Variants in NAALADL2 observed in about 807,000 individuals in gnomAD.
NAALADL2 encodes the protein inactive N-acetylated-alpha-linked acidic dipeptidase-like protein 2.
A neutral mutation model predicts 87.2 loss-of-function variants in NAALADL2; 76 were observed. The observed-to-expected ratio is 0.87, with a 90% CI of 0.72 to 1.05. NAALADL2 has a LOEUF of 1.05. Among genes scored for constraint, NAALADL2 ranks in the 50% least tolerant of loss-of-function variants. The pLI, the probability that NAALADL2 is intolerant of heterozygous loss-of-function variation, is 0.00. For missense variants in NAALADL2, 1,089 were observed against 945.8 expected (o/e 1.15, Z -1.99); for synonymous variants, 354 against 331.0 (o/e 1.07, Z -0.75).
intron 11 of NAALADL2, among the ~76,000 whole-genome samples, chr3:175,705,437 A>C (rs1057265726): frequency 2.0e-5 from 3 of 152,048 alleles, no homozygotes. Context: ...TCTTTTAGAC[A>C]GAGCTCCTTT....
At chr3:174,554,394 G>T (rs543855052) in intron 2 of NAALADL2, among the ~76,000 whole-genome samples, 5 of 151,928 alleles carry the variant, frequency 3.3e-5, no homozygotes, top group Admixed American at 3.3e-4. Flanking sequence ...TTATCTAAGT[G>T]CTTATTGTTG....
At chr3:175,351,212 ATGT>A (rs1763726286) in intron 5 of NAALADL2, among the ~76,000 whole-genome samples, 1 of 152,044 alleles carries the variant, frequency 6.6e-6, no homozygotes, top group African/African-American at 2.4e-5. Flanking sequence ...CACTTTAATA[ATGT>A]TATCTATGAT....
At position 175,710,473 on chromosome 3, in the gene NAALADL2, G is replaced by A. The variant is rs543176225; in HGVS notation, c.1897-26833G>A. Among the ~76,000 whole-genome samples, 962 of 151,838 alleles carry A rather than the reference G, an allele frequency of 6.3e-3. 12 individuals carry two copies. Among genetic ancestry groups the A allele is most frequent in the Middle Eastern group, 0.031 (9 of 294 alleles). ...TTAATCTACTTATTTCTAAAATAATGAAGTTTCTACAAGTGTCTAGGAACT... is the reference window on the plus strand; with the variant it reads ...TTAATCTACTTATTTCTAAAATAATAAAGTTTCTACAAGTGTCTAGGAACT... On this transcript the variant is annotated intron_variant, in intron 11 of 13. Transcript: ENST00000454872.
At chr3:174,940,220 G>A (rs999434889) in intron 1 of NAALADL2, among the ~76,000 whole-genome samples, 1 of 152,130 alleles carries the variant, frequency 6.6e-6, no homozygotes, top group Admixed American at 6.6e-5. Context: ...ATAACATGAA[G>A]GAGTGTTGAG....
intron 1 of NAALADL2, among the ~76,000 whole-genome samples, chr3:174,503,292 T>C (rs1719014723): frequency 6.6e-6 from 1 of 152,190 alleles, no homozygotes; most frequent in Admixed American, 6.5e-5. Context: ...ACATAAGTCT[T>C]TTCCAGTTGC....
chr3:174,971,665 CTGTGTGTG>C (rs10662918), intron 1 of NAALADL2, among the ~76,000 whole-genome samples: 256 of 144,812 alleles, frequency 1.8e-3, no homozygotes, highest in African/African-American at 5.3e-3. Context: ...GTATGCTAGA[CTGTGTGTG>C]TGTGTGTGTG....
At chr3:175,561,414 T>C (rs1314632811) in intron 9 of NAALADL2, among the ~76,000 whole-genome samples, 2 of 152,188 alleles carry the variant, frequency 1.3e-5, no homozygotes, top group Non-Finnish European at 2.9e-5. Flanking sequence ...TTTTTTCAAA[T>C]ATTTTTATTG....
intron 9 of NAALADL2, among the ~76,000 whole-genome samples, chr3:175,518,264 T>C (rs1403390109): frequency 6.6e-6 from 1 of 152,240 alleles, no homozygotes; most frequent in Non-Finnish European, 1.5e-5. Context: ...TCTTAATTCC[T>C]GTATCAGTAG....
At chr3:174,864,536 G>C (rs1462502003) in intron 1 of NAALADL2, among the ~76,000 whole-genome samples, 1 of 152,050 alleles carries the variant, frequency 6.6e-6, no homozygotes, top group African/African-American at 2.4e-5. Flanking sequence ...TAAAGTCACT[G>C]TAAAATCTTC....
intron 5 of NAALADL2, among the ~76,000 whole-genome samples, chr3:175,383,844 C>T (rs2148994297): frequency 6.6e-6 from 1 of 152,130 alleles, no homozygotes; most frequent in African/African-American, 2.4e-5. Context: ...ATGCAGCAAA[C>T]TAGAAAAGAT....
At chr3:174,818,379 A>G (rs1721025755) in intron 3 of NAALADL2, among the ~76,000 whole-genome samples, 1 of 152,116 alleles carries the variant, frequency 6.6e-6, no homozygotes, top group Admixed American at 6.6e-5. Context: ...TGAATGAAAC[A>G]TACCTCTGTT....
At chr3:175,630,307 T>A (rs992178094) in intron 11 of NAALADL2, among the ~76,000 whole-genome samples, 2 of 151,836 alleles carry the variant, frequency 1.3e-5, no homozygotes, top group African/African-American at 4.8e-5. Flanking sequence ...CTATCTTGGC[T>A]ACAAAATTGT....
intron 13 of NAALADL2, among the ~76,000 whole-genome samples, chr3:175,800,528 A>G (rs910964617): frequency 2.0e-5 from 3 of 152,092 alleles, no homozygotes; most frequent in Non-Finnish European, 4.4e-5. Context: ...CATTGAAATA[A>G]TCTCTCTATT....
At chr3:174,701,957 G>A (rs1729593526) in intron 2 of NAALADL2, among the ~76,000 whole-genome samples, 2 of 152,096 alleles carry the variant, frequency 1.3e-5, no homozygotes, top group Non-Finnish European at 2.9e-5. Context: ...TAAACACATA[G>A]GAATAGAATG....
At chr3:174,552,491 T>G (rs990329009) in intron 2 of NAALADL2, among the ~76,000 whole-genome samples, 3 of 152,104 alleles carry the variant, frequency 2.0e-5, no homozygotes, top group East Asian at 1.9e-4. Flanking sequence ...ATTAATTTAG[T>G]TTTTACTACA....
At chr3:175,134,932 A>G (rs1040875136) in intron 2 of NAALADL2, among the ~76,000 whole-genome samples, 1 of 152,200 alleles carries the variant, frequency 6.6e-6, no homozygotes, top group African/African-American at 2.4e-5. Flanking sequence ...TATAGTTCAA[A>G]TTATAAGATA....
chr3:174,662,659 AAAAC>A (rs1323048102), intron 2 of NAALADL2, among the ~76,000 whole-genome samples: 2 of 152,268 alleles, frequency 1.3e-5, no homozygotes, highest in African/African-American at 4.8e-5. Flanking sequence ...GGTCTGCAAG[AAAAC>A]AAACAATCCT....
intron 13 of NAALADL2, among the ~76,000 whole-genome samples, chr3:175,792,029 A>C (rs896635424): frequency 8.5e-5 from 13 of 152,242 alleles, no homozygotes; most frequent in African/African-American, 2.6e-4. Flanking sequence ...TTTAAAAAAA[A>C]ATAAATGGTA....
intron 9 of NAALADL2, among the ~76,000 whole-genome samples, chr3:175,478,971 A>G (rs1279225336): frequency 2.0e-5 from 3 of 151,892 alleles, no homozygotes; most frequent in Non-Finnish European, 2.9e-5. Context: ...TAACACTACA[A>G]TAGTGATATT....
Sources: allele counts gnomAD v4.1 joint callset (sites outside exome capture counted in the v4.1 genomes callset), GRCh38; gene constraint gnomAD v4.1.1; transcripts MANE v1.5; gene names NCBI Gene and HGNC (gene_info 2026-07-23, HGNC 2026-07-21).